The following MYO1H variants were observed in gnomAD, a reference collection of about 807,000 sequenced individuals.
MYO1H encodes unconventional myosin-Ih.
A neutral mutation model predicts 149.3 loss-of-function variants in MYO1H; 118 were observed. That is an observed-to-expected ratio of 0.79 (90% CI 0.68 to 0.92). MYO1H has a LOEUF of 0.92. Ranked by LOEUF, MYO1H falls within the 40% of genes least tolerant of loss-of-function variation. The pLI is 0.00. For synonymous variants in MYO1H, 447 were observed against 465.2 expected (o/e 0.96, Z 0.50); for missense variants, 1,212 against 1,280.7 (o/e 0.95, Z 0.82).
At chr12:109,331,281 C>T in the MYO1H span, among the ~76,000 whole-genome samples, 6 of 152,348 alleles carry the variant, frequency 3.9e-5, no homozygotes, top group South Asian at 8.3e-4. Context: ...AATATTTTAA[C>T]ACTCCAAGGC....
In MYO1H at chr12:109,431,296, C is replaced by T. The variant is rs553149610; in HGVS notation, c.1950-1601C>T. The stretch of plus-strand genomic sequence containing the variant: ...TCGGGAGGCTGAGGCAGGAGAATGG[C>T]GTGAACCTGGGAGGCGGAGCTTGCA... On this transcript the variant is annotated intron_variant, in intron 19 of 31. Coordinates refer to ENST00000310903, the Ensembl canonical transcript of MYO1H. Among the ~76,000 whole-genome samples the T allele has an allele frequency of 1.0e-4, 15 of 143,680 alleles. 2 individuals are homozygous for T. The South Asian group carries it at 2.1e-3, about 20-fold the overall frequency. 94.3% of individuals were successfully genotyped at this position (143,680 alleles called of 152,430 possible). A position where few individuals can be genotyped will look rare whatever the true frequency, so the allele number is the denominator to read the frequency against.
chr12:109,329,404 G>C, the MYO1H span, among the ~76,000 whole-genome samples: 1 of 152,122 alleles, frequency 6.6e-6, no homozygotes, highest in East Asian at 1.9e-4. Flanking sequence ...CCTTGCCTTA[G>C]GTAGGGTTGC....
At chr12:109,425,249 C>A (rs1396139726) in intron 17 of MYO1H, among the ~76,000 whole-genome samples, 1 of 152,166 alleles carries the variant, frequency 6.6e-6, no homozygotes, top group Non-Finnish European at 1.5e-5. Flanking sequence ...GCAGGAGGAT[C>A]CTTGAACCCA....
Position 109,439,793 on chromosome 12 carries a change from A to G in MYO1H, c.2454+3A>G. On this transcript the variant is annotated splice_donor_region_variant and intron_variant, in intron 24 of 31. Coordinates refer to ENST00000310903, the Ensembl canonical transcript of MYO1H. Reference sequence around the variant, plus strand: ...GGCCTCCTGGCATCTTGGAAAATGTAAGGACTAATCTGGGATTTCCAGTGT... The same window carrying G: ...GGCCTCCTGGCATCTTGGAAAATGTGAGGACTAATCTGGGATTTCCAGTGT... 3 of 1,613,234 alleles carry G rather than the reference A, an allele frequency of 1.9e-6. No homozygotes were observed. Among genetic ancestry groups the G allele is most frequent in the Non-Finnish European group, 2.5e-6 (3 of 1,179,340 alleles).
At chr12:109,372,874 C>T (rs1409069446) in intron 1 of MYO1H, among the ~76,000 whole-genome samples, 1 of 151,986 alleles carries the variant, frequency 6.6e-6, no homozygotes, top group Non-Finnish European at 1.5e-5. Context: ...GATATTGAAT[C>T]TCCCTATCCA....
At chr12:109,364,415 A>G (rs138874598) in intron 1 of MYO1H, among the ~76,000 whole-genome samples, 3 of 152,082 alleles carry the variant, frequency 2.0e-5, no homozygotes, top group Admixed American at 1.3e-4. Flanking sequence ...TGCAGCCTCA[A>G]ACTCGGGGGC....
chr12:109,404,582 G>T (rs184668069), intron 7 of MYO1H, among the ~76,000 whole-genome samples: 5 of 152,164 alleles, frequency 3.3e-5, no homozygotes, highest in Admixed American at 2.6e-4. Context: ...TCCAATTATT[G>T]CATGTGGGCA....
intron 3 of MYO1H, among the ~76,000 whole-genome samples, chr12:109,393,841 A>G (rs1869782132): frequency 6.6e-6 from 1 of 152,210 alleles, no homozygotes. Context: ...TTAAATATGA[A>G]AAGAGGTGCA....
At chr12:109,447,508 T>C in exon 32 of MYO1H, 1 of 460,948 alleles carries the variant, frequency 2.2e-6, no homozygotes, top group Admixed American at 3.3e-5. Flanking sequence ...TCTCTACCTC[T>C]GTCAAGCTGC....
At chr12:109,389,116 ATGTC>A (rs1394868704) in intron 2 of MYO1H, among the ~76,000 whole-genome samples, 1 of 152,130 alleles carries the variant, frequency 6.6e-6, no homozygotes, top group Non-Finnish European at 1.5e-5. Flanking sequence ...GTTTCAGACA[ATGTC>A]TGGCAACTCC....
chr12:109,400,872 A>C (rs1178371289), intron 5 of MYO1H, among the ~76,000 whole-genome samples: 1 of 152,218 alleles, frequency 6.6e-6, no homozygotes, highest in Non-Finnish European at 1.5e-5. Flanking sequence ...CTAGAAAAAG[A>C]CATAGAAACT....
intron 1 of MYO1H, among the ~76,000 whole-genome samples, chr12:109,353,537 C>T (rs186766678): frequency 4.6e-5 from 7 of 151,828 alleles, no homozygotes; most frequent in Non-Finnish European, 1.0e-4. Context: ...TTAGGTGTGT[C>T]GTTCTTAATT....
chr12:109,346,147 CA>C (rs1266738948), upstream of MYO1H, among the ~76,000 whole-genome samples: 1 of 152,152 alleles, frequency 6.6e-6, no homozygotes, highest in African/African-American at 2.4e-5. Flanking sequence ...TGAAGATGTA[CA>C]GACACTTTTT....
the MYO1H span, among the ~76,000 whole-genome samples, chr12:109,325,153 C>G: frequency 1.3e-5 from 2 of 152,160 alleles, no homozygotes; most frequent in Non-Finnish European, 2.9e-5. Flanking sequence ...CAAGTCATTG[C>G]TATTGTAAAC....
exon 2 of MYO1H, chr12:109,388,703 A>T: frequency 6.3e-7 from 1 of 1,586,718 alleles, no homozygotes; most frequent in Non-Finnish European, 8.6e-7. Context: ...TGAGGAGGAA[A>T]CACATCCGTC....
rs1592799558 is a variant in MYO1H, at chr12:109,407,916, T to C, written c.1155+3T>C. 2.5e-6 allele frequency: 4 copies of C among 1,613,958 alleles called. No individual in the cohort carries two copies. The highest frequency in any genetic ancestry group is 2.7e-5 in the African/African-American group (2 of 75,022). On this transcript the variant is annotated splice_donor_region_variant and intron_variant, in intron 10 of 31. Transcript: ENST00000310903. ...TCAATTCCTCCTTAGTTAACAAGGT[T>C]GGTCAACGCATTTTGGATCCCTTGC...
chr12:109,444,028 G>A (rs1416465956), intron 28 of MYO1H, among the ~76,000 whole-genome samples, 185 bp from the exon 29 acceptor site: 1 of 152,170 alleles, frequency 6.6e-6, no homozygotes, highest in African/African-American at 2.4e-5. Context: ...TTGGGCAATA[G>A]TCTGCTTCCA....
At chr12:109,447,961 G>C (rs1454081275) in exon 32 of MYO1H, 2 of 152,238 alleles carry the variant, frequency 1.3e-5, no homozygotes, top group East Asian at 3.8e-4. Context: ...TAGCGAGCCT[G>C]CCACGCTTGT....
chr12:109,338,549 C>G, the MYO1H span, among the ~76,000 whole-genome samples: 1 of 152,092 alleles, frequency 6.6e-6, no homozygotes, highest in Non-Finnish European at 1.5e-5. Flanking sequence ...GGGCAGATCA[C>G]TTGAGGTCAG....
Sources: allele counts gnomAD v4.1 joint callset (sites outside exome capture counted in the v4.1 genomes callset), GRCh38; gene constraint gnomAD v4.1.1; transcripts MANE v1.5; gene names NCBI Gene and HGNC (gene_info 2026-07-23, HGNC 2026-07-21).